MEF2C: variants seen among roughly 807,000 people sequenced by gnomAD.
MEF2C encodes the protein myocyte-specific enhancer factor 2C.
Under a neutral mutation model 50.5 loss-of-function variants are expected in MEF2C, and 6 were observed. The observed-to-expected ratio is 0.12, with a 90% CI of 0.07 to 0.23. The LOEUF (loss-of-function observed/expected upper bound fraction) is 0.23, where lower values mean the gene tolerates loss of function less well. Among genes scored for constraint, MEF2C ranks in the 10% least tolerant of loss-of-function variants. MEF2C has a pLI of 1.00. For synonymous variants in MEF2C, 183 were observed against 228.0 expected (o/e 0.80, Z 1.78); for missense variants, 276 against 605.0 (o/e 0.46, Z 5.70).
chr5:88,819,167 C>T (rs370251146), intron 2 of MEF2C, among the ~76,000 whole-genome samples: 2 of 151,810 alleles, frequency 1.3e-5, no homozygotes, highest in Non-Finnish European at 2.9e-5. Context: ...AAAACTATGC[C>T]TCTTAGCCAT....
At chr5:88,774,681 T>A (rs2152808612) in intron 3 of MEF2C, among the ~76,000 whole-genome samples, 1 of 152,340 alleles carries the variant, frequency 6.6e-6, no homozygotes, top group East Asian at 1.9e-4. Context: ...GTTATCTCAT[T>A]ACCACTCACC....
At chr5:88,855,438 A>G (rs1430580648) in intron 1 of MEF2C, among the ~76,000 whole-genome samples, 1 of 152,226 alleles carries the variant, frequency 6.6e-6, no homozygotes, top group East Asian at 1.9e-4. Flanking sequence ...CTGATACAAA[A>G]GAATAAACTA....
intron 6 of MEF2C, chr5:88,741,706 A>G: frequency 1.0e-6 from 1 of 981,800 alleles, no homozygotes; most frequent in Non-Finnish European, 1.2e-6. Context: ...CTTATACTTT[A>G]AATACAACAT....
intron 1 of MEF2C, among the ~76,000 whole-genome samples, chr5:88,836,606 G>A (rs750630933): frequency 1.1e-4 from 17 of 152,182 alleles, no homozygotes; most frequent in Non-Finnish European, 2.4e-4. Flanking sequence ...GGCAAGGACA[G>A]GCACGCTGCA....
At chr5:88,749,250 T>C in intron 5 of MEF2C, 133 bp from the exon 6 acceptor site, 1 of 1,230,856 alleles carries the variant, frequency 8.1e-7, no homozygotes, top group Non-Finnish European at 1.1e-6. Context: ...CCAAGTCAGA[T>C]GGCTGACATT....
chr5:88,736,968 C>T, intron 6 of MEF2C: 1 of 984,838 alleles, frequency 1.0e-6, no homozygotes, highest in Non-Finnish European at 1.2e-6. Context: ...CAGACAACTT[C>T]AGCCCACACT....
chr5:88,803,321 T>C (rs1001742846), intron 3 of MEF2C, among the ~76,000 whole-genome samples: 3 of 152,192 alleles, frequency 2.0e-5, no homozygotes, highest in Non-Finnish European at 2.9e-5. Context: ...AAATAAAATA[T>C]AATAATCAGC....
intron 3 of MEF2C, among the ~76,000 whole-genome samples, chr5:88,785,022 GAGTCGATGT>G (rs1790137864): frequency 6.6e-6 from 1 of 152,132 alleles, no homozygotes. Flanking sequence ...GAGACCAGAA[GAGTCGATGT>G]ACACAGATAC....
intron 3 of MEF2C, among the ~76,000 whole-genome samples, chr5:88,779,583 ATGTAGGTTTG>A (rs887884852): frequency 2.7e-5 from 4 of 146,326 alleles, no homozygotes; most frequent in Admixed American, 7.1e-5. Context: ...ATGTGAATAT[ATGTAGGTTTG>A]TGTAGGTTTG....
intron 3 of MEF2C, among the ~76,000 whole-genome samples, chr5:88,775,599 A>T (rs1307497217): frequency 6.6e-6 from 1 of 152,252 alleles, no homozygotes; most frequent in Admixed American, 6.5e-5. Context: ...TTAAATTAAT[A>T]ATTAAAATCA....
intron 1 of MEF2C, among the ~76,000 whole-genome samples, chr5:88,874,172 T>C (rs1293144821): frequency 6.6e-6 from 1 of 151,956 alleles, no homozygotes; most frequent in Non-Finnish European, 1.5e-5. Context: ...GAACCTCTAA[T>C]AGAGTCAACG....
chr5:88,844,612 T>C (rs528685645), intron 1 of MEF2C: 9 of 805,872 alleles, frequency 1.1e-5, no homozygotes, highest in Non-Finnish European at 1.2e-5. Context: ...TTTAACACAG[T>C]ACACCAAAAA....
At chr5:88,788,402 G>A (rs1429900531) in intron 3 of MEF2C, among the ~76,000 whole-genome samples, 1 of 151,372 alleles carries the variant, frequency 6.6e-6, no homozygotes, top group Non-Finnish European at 1.5e-5. Context: ...TAGAGATGAG[G>A]TTTCACCATG....
At chr5:88,861,799 T>C (rs989366230) in intron 1 of MEF2C, among the ~76,000 whole-genome samples, 20 of 152,210 alleles carry the variant, frequency 1.3e-4, no homozygotes, top group African/African-American at 3.6e-4. Context: ...TCTCTAATAG[T>C]ATGCTAATTA....
At chr5:88,870,978 A>G (rs1397284902) in intron 1 of MEF2C, among the ~76,000 whole-genome samples, 1 of 152,136 alleles carries the variant, frequency 6.6e-6, no homozygotes, top group Non-Finnish European at 1.5e-5. Context: ...GAGTGCTACA[A>G]TATTTTATTT....
intron 10 of MEF2C, among the ~76,000 whole-genome samples, chr5:88,727,840 G>A (rs766734698): frequency 2.6e-5 from 4 of 151,900 alleles, no homozygotes; most frequent in East Asian, 1.9e-4. Flanking sequence ...AGGTTTGAAC[G>A]TTTCCATAGA....
intron 1 of MEF2C, among the ~76,000 whole-genome samples, chr5:88,901,998 A>G (rs1366646977): frequency 6.6e-6 from 1 of 151,896 alleles, no homozygotes; most frequent in African/African-American, 2.4e-5. Flanking sequence ...CTTAATGACA[A>G]TGTAATAATT....
At chr5:88,771,479 T>C in intron 3 of MEF2C, 35 of 985,452 alleles carry the variant, frequency 3.6e-5, no homozygotes, top group Non-Finnish European at 4.1e-5. Flanking sequence ...TTTCTGTACC[T>C]GTACAGTCCT....
chr5:88,737,472 A>T, intron 6 of MEF2C: 1 of 985,424 alleles, frequency 1.0e-6, no homozygotes, highest in Non-Finnish European at 1.2e-6. Flanking sequence ...GAAAAGTTGA[A>T]GTCTCTGATA....
Sources: gnomAD v4.1 joint callset for allele counts (sites outside exome capture counted in the v4.1 genomes callset) on GRCh38, gnomAD v4.1.1 for gene constraint, MANE v1.5 for transcripts, NCBI Gene and HGNC (gene_info 2026-07-23, HGNC 2026-07-21) for gene names.